The following IL1R1 variants were observed in gnomAD, a reference collection of about 807,000 sequenced individuals.
IL1R1 encodes interleukin-1 receptor type 1.
Under a neutral mutation model 50.2 loss-of-function variants are expected in IL1R1, and 22 were observed. The observed-to-expected ratio is 0.44, with a 90% CI of 0.31 to 0.63. IL1R1 has a LOEUF of 0.63. Among genes scored for constraint, IL1R1 ranks in the 20% least tolerant of loss-of-function variants. The pLI, the probability that IL1R1 is intolerant of heterozygous loss-of-function variation, is 0.07. For synonymous variants in IL1R1, 251 were observed against 236.7 expected (o/e 1.06, Z -0.55); for missense variants, 509 against 676.2 (o/e 0.75, Z 2.74).
At chr2:102,138,818 A>T (rs1682484762), upstream of IL1R1, among the ~76,000 whole-genome samples, 1 of 152,220 alleles carries the variant, frequency 6.6e-6, no homozygotes, top group Admixed American at 6.5e-5. Flanking sequence ...ATAAATAACA[A>T]AAATATGTGT....
intron 3 of IL1R1, among the ~76,000 whole-genome samples, chr2:102,158,323 G>C (rs890564038): frequency 1.3e-5 from 2 of 152,196 alleles, no homozygotes; most frequent in Non-Finnish European, 2.9e-5. Context: ...TATTCTTGTA[G>C]AAGAGAGAGA....
At chr2:102,126,503 A>C (rs185149930) in intron 1 of IL1R1, among the ~76,000 whole-genome samples, 1 of 152,336 alleles carries the variant, frequency 6.6e-6, no homozygotes, top group Non-Finnish European at 1.5e-5. Context: ...AACTGTGCGA[A>C]AAATACTTTG....
At chr2:102,132,551 A>G (rs1283880586) in intron 1 of IL1R1, among the ~76,000 whole-genome samples, 1 of 152,182 alleles carries the variant, frequency 6.6e-6, no homozygotes, top group Non-Finnish European at 1.5e-5. Flanking sequence ...TAAATTACAC[A>G]CCAAACAAGC....
intron 6 of IL1R1, among the ~76,000 whole-genome samples, chr2:102,168,361 G>A (rs1685378248): frequency 6.6e-6 from 1 of 152,206 alleles, no homozygotes; most frequent in Admixed American, 6.5e-5. Context: ...TTTTTCAGTA[G>A]CACCCCACTC....
chr2:102,096,357 CAG>C (rs963491826), intron 1 of IL1R1, among the ~76,000 whole-genome samples: 9 of 152,228 alleles, frequency 5.9e-5, no homozygotes, highest in South Asian at 2.1e-4. Flanking sequence ...TCACATCAAA[CAG>C]AGTTTCTACT....
At chr2:102,157,841 T>C in intron 3 of IL1R1, 56 bp downstream of exon 3, 3 of 1,110,334 alleles carry the variant, frequency 2.7e-6, no homozygotes, top group Non-Finnish European at 2.7e-6. Flanking sequence ...TTATTTAGAA[T>C]ACATGAAGTA....
intron 1 of IL1R1, among the ~76,000 whole-genome samples, chr2:102,136,627 C>T (rs1320071378): frequency 7.9e-5 from 12 of 152,114 alleles, no homozygotes; most frequent in East Asian, 3.9e-4. Flanking sequence ...CTACCCTCCT[C>T]GGCCTCCCAA....
intron 3 of IL1R1, 77 bp downstream of exon 3, chr2:102,157,862 C>T: frequency 2.1e-6 from 2 of 943,678 alleles, no homozygotes; most frequent in Non-Finnish European, 3.4e-6. Context: ...CCTTCCCTAA[C>T]AGAGTCATTT....
chr2:102,168,539 G>A (rs375470258), intron 6 of IL1R1, 59 bp from the exon 7 acceptor site: 33 of 1,349,914 alleles, frequency 2.4e-5, no homozygotes, highest in African/African-American at 1.3e-4. Context: ...AAGTGTTGTC[G>A]TCACTTGAGA....
Position 102,131,063 on chromosome 2 carries a change from T to C in IL1R1, c.-83-22878T>C, listed in dbSNP as rs895303158. Reference sequence around the variant, plus strand: ...TCAGAAAAAGCGCCTCCCTAAAAGATTAGATGAAATAGTGGACAGGAGGAG... The same window carrying C: ...TCAGAAAAAGCGCCTCCCTAAAAGACTAGATGAAATAGTGGACAGGAGGAG... On this transcript the variant is annotated intron_variant, in intron 1 of 10. Transcript: ENST00000409329. Among the ~76,000 whole-genome samples the C allele has an allele frequency of 2.6e-5, 4 of 151,960 alleles. No homozygotes were observed. In the South Asian group the frequency reaches 6.2e-4, roughly 24 times the overall value.
chr2:102,146,480 A>T (rs1466676555), intron 1 of IL1R1, among the ~76,000 whole-genome samples: 1 of 152,164 alleles, frequency 6.6e-6, no homozygotes, highest in Non-Finnish European at 1.5e-5. Context: ...CAACCTAGTG[A>T]GGTGAGCCAT....
chr2:102,141,471 AG>A (rs2104439045), upstream of IL1R1, among the ~76,000 whole-genome samples: 1 of 152,344 alleles, frequency 6.6e-6, no homozygotes, highest in Admixed American at 6.5e-5. Context: ...TGCTTTCTCG[AG>A]GAAAAGGAAC....
At chr2:102,128,539 C>T (rs1681852266) in intron 1 of IL1R1, among the ~76,000 whole-genome samples, 1 of 152,162 alleles carries the variant, frequency 6.6e-6, no homozygotes, top group African/African-American at 2.4e-5. Flanking sequence ...CTATTGATAA[C>T]ATTATTTTGC....
At chr2:102,092,984 G>A (rs1024408883) in intron 1 of IL1R1, among the ~76,000 whole-genome samples, 3 of 152,162 alleles carry the variant, frequency 2.0e-5, no homozygotes, top group African/African-American at 4.8e-5. Context: ...ACTACATATA[G>A]ACATCTCCAA....
intron 1 of IL1R1, among the ~76,000 whole-genome samples, chr2:102,145,607 G>A (rs1441458323): frequency 1.3e-5 from 2 of 152,128 alleles, no homozygotes; most frequent in African/African-American, 4.8e-5. Context: ...TTAAAAGTAG[G>A]GTAAAAGGAA....
At chr2:102,174,561 C>A (rs773525911) in intron 9 of IL1R1, 26 bp from the exon 10 acceptor site, 3 of 1,521,356 alleles carry the variant, frequency 2.0e-6, no homozygotes, top group South Asian at 1.3e-5. Flanking sequence ...AATATTTTTT[C>A]TCCTTTTTTT....
chr2:102,176,720 G>A lies in IL1R1; in HGVS notation c.1671G>A (p.Lys557=), dbSNP rs201607950. Reference sequence around the variant, plus strand: ...ACCAGTTACTGTCACCAGCCACTAAGGAGAAACTGCAAAGAGAGGCTCACG... The same window carrying A: ...ACCAGTTACTGTCACCAGCCACTAAAGAGAAACTGCAAAGAGAGGCTCACG... ...SKHQLLSPAT[K]EKLQREAHVP... Residue 557 remains lysine (K), a synonymous_variant, in exon 12 of 12, where the codon AAG becomes AAA. Transcript: ENST00000410023. 1.9e-6 allele frequency: 3 copies of A among 1,614,178 alleles called. No homozygotes were observed. The highest frequency in any genetic ancestry group is 1.7e-6 in the Non-Finnish European group (2 of 1,180,030).
At chr2:102,117,971 A>G (rs1338047505) in intron 1 of IL1R1, among the ~76,000 whole-genome samples, 1 of 150,242 alleles carries the variant, frequency 6.7e-6, no homozygotes, top group Admixed American at 6.7e-5. Context: ...GTATATATAT[A>G]TACACATATA....
chr2:102,086,371 A>G (rs1250663122), intron 1 of IL1R1, among the ~76,000 whole-genome samples: 2 of 151,652 alleles, frequency 1.3e-5, no homozygotes, highest in East Asian at 3.9e-4. Flanking sequence ...CTCTCAGGAT[A>G]TTTTCTTTAT....
Sources: gnomAD v4.1 joint callset for allele counts (sites outside exome capture counted in the v4.1 genomes callset) on GRCh38, gnomAD v4.1.1 for gene constraint, MANE v1.5 for transcripts, NCBI Gene and HGNC (gene_info 2026-07-23, HGNC 2026-07-21) for gene names.